The following TUSC3 variants were observed in gnomAD, a reference collection of about 807,000 sequenced individuals.
TUSC3 encodes tumor suppressor candidate 3.
TUSC3 carries 45 observed loss-of-function variants against 44.8 expected under a neutral mutation model. The observed-to-expected ratio is 1.00, with a 90% CI of 0.79 to 1.29. TUSC3 has a LOEUF of 1.29. Ranked by LOEUF, TUSC3 falls within the 50% of genes most tolerant of loss-of-function variation. The pLI, the probability that TUSC3 is intolerant of heterozygous loss-of-function variation, is 0.00. For missense variants in TUSC3, 519 were observed against 437.9 expected (o/e 1.19, Z -1.65); for synonymous variants, 212 against 152.9 (o/e 1.39, Z -2.85).
the TUSC3 span, among the ~76,000 whole-genome samples, chr8:15,801,757 A>G: frequency 3.3e-5 from 5 of 152,180 alleles, no homozygotes; most frequent in Admixed American, 1.3e-4. Context: ...TAGAGCTGCA[A>G]GAGAACCTCC....
the TUSC3 span, among the ~76,000 whole-genome samples, chr8:15,787,713 G>A: frequency 1.8e-4 from 27 of 152,126 alleles, no homozygotes; most frequent in African/African-American, 4.3e-4. Context: ...TGACCACAGG[G>A]TATCTACTGT....
intron 2 of TUSC3, among the ~76,000 whole-genome samples, chr8:15,530,886 A>T (rs921751750): frequency 6.6e-6 from 1 of 152,158 alleles, no homozygotes; most frequent in African/African-American, 2.4e-5. Flanking sequence ...CTGACCGTAA[A>T]CTCAGTCCTT....
intron 8 of TUSC3, among the ~76,000 whole-genome samples, chr8:15,744,567 CAT>C (rs371552386): frequency 1.2e-3 from 180 of 152,106 alleles, no homozygotes; most frequent in South Asian, 4.1e-3. Flanking sequence ...GCTAGGGTGA[CAT>C]GTGTGTAAAC....
At chr8:15,737,245 A>G (rs1335602199) in intron 7 of TUSC3, among the ~76,000 whole-genome samples, 2 of 152,182 alleles carry the variant, frequency 1.3e-5, no homozygotes, top group East Asian at 3.9e-4. Flanking sequence ...AGTCTTCTAT[A>G]ATGTGCTAAC....
chr8:15,573,168 T>TTTCTC (rs1802945786), intron 1 of TUSC3, among the ~76,000 whole-genome samples: 19 of 85,542 alleles, frequency 2.2e-4, no homozygotes, highest in African/African-American at 9.0e-4. Flanking sequence ...TTCTCTCTCT[T>TTTCTC]TCTCTCTCTC....
chr8:15,418,676 T>A (rs1248343530), intron 1 of TUSC3, among the ~76,000 whole-genome samples: 1 of 152,176 alleles, frequency 6.6e-6, no homozygotes, highest in Non-Finnish European at 1.5e-5. Flanking sequence ...AAGAGCTCAA[T>A]GCTGTTTTTG....
intron 2 of TUSC3, among the ~76,000 whole-genome samples, chr8:15,496,709 A>G (rs1800885127): frequency 6.6e-6 from 1 of 152,052 alleles, no homozygotes; most frequent in Non-Finnish European, 1.5e-5. Flanking sequence ...CATCTACATC[A>G]CCTCTAAGCA....
At chr8:15,758,813 T>G (rs1028954803) in intron 10 of TUSC3, among the ~76,000 whole-genome samples, 5 of 152,146 alleles carry the variant, frequency 3.3e-5, no homozygotes, top group African/African-American at 1.2e-4. Flanking sequence ...TGTAGAAAAT[T>G]GGCCTGAGCA....
At chr8:15,659,481 T>A in intron 3 of TUSC3, 26 bp from the exon 4 acceptor site, 3 of 1,607,972 alleles carry the variant, frequency 1.9e-6, no homozygotes, top group Non-Finnish European at 2.5e-6. Flanking sequence ...ATCCTATATT[T>A]AGTATTTTTT....
chr8:15,524,073 A>T (rs1801340695), intron 2 of TUSC3, among the ~76,000 whole-genome samples: 1 of 146,182 alleles, frequency 6.8e-6, no homozygotes, highest in South Asian at 2.2e-4. Flanking sequence ...AAAAAAAAAT[A>T]GAAATCAGAA....
At chr8:15,780,217 A>T in the TUSC3 span, among the ~76,000 whole-genome samples, 1 of 152,168 alleles carries the variant, frequency 6.6e-6, no homozygotes, top group African/African-American at 2.4e-5. Flanking sequence ...GGCAACTAAG[A>T]ATATCAACCT....
chr8:15,729,093 G>C (rs1810611030), intron 6 of TUSC3, among the ~76,000 whole-genome samples: 1 of 152,110 alleles, frequency 6.6e-6, no homozygotes, highest in Non-Finnish European at 1.5e-5. Flanking sequence ...TCACCTAGAA[G>C]ACGTCTGAAG....
At chr8:15,704,594 G>A (rs374146639) in intron 6 of TUSC3, among the ~76,000 whole-genome samples, 4 of 151,866 alleles carry the variant, frequency 2.6e-5, no homozygotes, top group Non-Finnish European at 2.9e-5. Context: ...AGACTGTAAC[G>A]CTGGTTCTCC....
intron 1 of TUSC3, among the ~76,000 whole-genome samples, chr8:15,451,407 G>A (rs2129120356): frequency 6.6e-6 from 1 of 152,174 alleles, no homozygotes; most frequent in Non-Finnish European, 1.5e-5. Flanking sequence ...AGGGGAGAGG[G>A]GCTGAAGGGC....
At chr8:15,710,085 G>T (rs776352093) in intron 6 of TUSC3, among the ~76,000 whole-genome samples, 4 of 151,718 alleles carry the variant, frequency 2.6e-5, no homozygotes, top group Non-Finnish European at 4.4e-5. Context: ...ACCTTAGTGC[G>T]CTCCCCTCCC....
chr8:15,694,054 G>A (rs1228468329), intron 6 of TUSC3, among the ~76,000 whole-genome samples: 1 of 151,908 alleles, frequency 6.6e-6, no homozygotes, highest in African/African-American at 2.4e-5. Context: ...GTATTCCTTA[G>A]AATCCTTGCA....
rs1415810869 is a variant in TUSC3, at chr8:15,654,063, T to C, written c.426+3249T>C. Among the ~76,000 whole-genome samples the C allele has an allele frequency of 2.0e-5, 3 of 152,226 alleles. No homozygotes were observed. In the East Asian group the frequency reaches 5.8e-4, roughly 29 times the overall value. On this transcript the variant is annotated intron_variant, in intron 3 of 10. Transcript: ENST00000503731. ...GAAACAGGTCTATGTTGTGCTCTGC[T>C]GTGGGTAGCCCTGGGGAATTGGGCA...
At chr8:15,515,743 C>G (rs1247313123) in intron 2 of TUSC3, among the ~76,000 whole-genome samples, 1 of 152,158 alleles carries the variant, frequency 6.6e-6, no homozygotes, top group Non-Finnish European at 1.5e-5. Flanking sequence ...TCTCGGCCCA[C>G]TGCAACCTCT....
At chr8:15,796,077 C>T in the TUSC3 span, among the ~76,000 whole-genome samples, 11 of 152,162 alleles carry the variant, frequency 7.2e-5, no homozygotes, top group African/African-American at 2.7e-4. Flanking sequence ...CAGCTTCTGG[C>T]AGGAGTCCCA....
Sources: gnomAD v4.1 joint callset for allele counts (sites outside exome capture counted in the v4.1 genomes callset) on GRCh38, gnomAD v4.1.1 for gene constraint, MANE v1.5 for transcripts, NCBI Gene and HGNC (gene_info 2026-07-23, HGNC 2026-07-21) for gene names.